The following CRHBP variants were observed in gnomAD, a reference collection of about 807,000 sequenced individuals.
CRHBP encodes corticotropin releasing hormone binding protein.
Under a neutral mutation model 34.9 loss-of-function variants are expected in CRHBP, and 19 were observed. The ratio of observed to expected loss-of-function variants is 0.55; its 90% CI spans 0.38 to 0.80. The LOEUF is 0.80. Ranked by LOEUF, CRHBP falls within the 30% of genes least tolerant of loss-of-function variation. CRHBP has a pLI of 0.00. For missense variants in CRHBP, 328 were observed against 409.2 expected, an observed-to-expected ratio of 0.80 and a Z score of 1.71; for synonymous variants, 154 against 153.4, an observed-to-expected ratio of 1.00 and a Z score of -0.03.
At chr5:76,969,934 CTTTTTTTTTTTTTTTT>C (rs201228247), downstream of CRHBP, among the ~76,000 whole-genome samples, 18 of 61,626 alleles carry the variant, frequency 2.9e-4, 1 homozygote, top group South Asian at 2.3e-3. Context: ...AAAGAAAATT[CTTTTTTTTTTTTTTTT>C]TTTTTTTTTT....
At chr5:76,965,014 T>A (rs1198855195) in intron 6 of CRHBP, among the ~76,000 whole-genome samples, 1 of 145,030 alleles carries the variant, frequency 6.9e-6, no homozygotes, top group Non-Finnish European at 1.5e-5. Context: ...AAGAATCAGG[T>A]AAAAAAAAAA....
Position 76,979,506 on chromosome 5 carries a change from G to T in CRHBP, n.468-1455G>T, listed in dbSNP as rs186761383. On this transcript the variant is annotated intron_variant and non_coding_transcript_variant, in intron 3 of 3. Transcript: ENST00000514258. ...GCTGGGATTACAGGCACGTGCCACC[G>T]CACCCAGCTAGTTTTTGTATTTTTA... is the stretch of plus-strand genomic sequence containing the variant. Among the ~76,000 whole-genome samples the T allele has an allele frequency of 2.6e-4, 40 of 151,976 alleles. 1 individual carries two copies. The East Asian group carries it at 7.4e-3, about 28-fold the overall frequency.
intron 3 of CRHBP, among the ~76,000 whole-genome samples, chr5:76,977,720 A>G (rs969046285): frequency 6.6e-6 from 1 of 152,222 alleles, no homozygotes; most frequent in African/African-American, 2.4e-5. Context: ...ATGACCTCTA[A>G]GTGTTCAGTG....
chr5:76,959,137 G>A, intron 5 of CRHBP: 3 of 379,528 alleles, frequency 7.9e-6, no homozygotes, highest in South Asian at 1.4e-4. Context: ...GATGTAAGAA[G>A]TGTTTTCAAT....
At chr5:76,967,560 C>A (rs1168234391) in intron 6 of CRHBP, among the ~76,000 whole-genome samples, 2 of 151,992 alleles carry the variant, frequency 1.3e-5, no homozygotes, top group African/African-American at 4.8e-5. Context: ...TAAATCTTGC[C>A]TCAGGAATCA....
downstream of CRHBP, among the ~76,000 whole-genome samples, chr5:76,970,021 C>T (rs1398114298): frequency 2.2e-5 from 3 of 136,790 alleles, no homozygotes; most frequent in African/African-American, 8.3e-5. Context: ...AATCTCACCT[C>T]ACTGCAGCCT....
intron 2 of CRHBP, 106 bp from the exon 3 acceptor site, chr5:76,953,922 TG>T: frequency 7.3e-7 from 1 of 1,370,548 alleles, no homozygotes; most frequent in Non-Finnish European, 9.8e-7. Context: ...GTCGGGGCGC[TG>T]GGCACTACAG....
chr5:76,953,807 AG>A (rs561371703), intron 2 of CRHBP, 113 bp downstream of exon 2: 15,681 of 1,248,402 alleles, frequency 0.013, 120 homozygotes, highest in Non-Finnish European at 0.014. Context: ...CGGAACCGCC[AG>A]GGGCGCGGTC....
downstream of CRHBP, among the ~76,000 whole-genome samples, chr5:76,972,266 G>A (rs927770260): frequency 4.6e-5 from 7 of 152,156 alleles, no homozygotes; most frequent in Middle Eastern, 3.4e-3. Flanking sequence ...TTGGGAGGCC[G>A]AGGCAGGCTG....
At chr5:76,976,718 A>AGTCAAGT (rs1403004628) in intron 3 of CRHBP, among the ~76,000 whole-genome samples, 1 of 152,234 alleles carries the variant, frequency 6.6e-6, no homozygotes, top group Admixed American at 6.5e-5. Context: ...AAAACTTATC[A>AGTCAAGT]GTCAAGTCTT....
At chr5:76,972,729 C>T (rs142017635), downstream of CRHBP, among the ~76,000 whole-genome samples, 22 of 152,330 alleles carry the variant, frequency 1.4e-4, no homozygotes, top group East Asian at 4.1e-3. Context: ...TGATACTGGA[C>T]TTTCTCCTAG....
At chr5:76,963,312 T>C (rs1745810647) in intron 5 of CRHBP, 31 bp from the exon 6 acceptor site, 1 of 1,591,868 alleles carries the variant, frequency 6.3e-7, no homozygotes, top group Non-Finnish European at 8.6e-7. Flanking sequence ...TTGGTTTAAA[T>C]GTGTCTTTCT....
At chr5:76,953,811 G>A in intron 2 of CRHBP, 117 bp downstream of exon 2, 1 of 1,240,234 alleles carries the variant, frequency 8.1e-7, no homozygotes, top group Non-Finnish European at 1.1e-6. Context: ...ACCGCCAGGG[G>A]CGCGGTCCCC....
chr5:76,978,564 G>A (rs1316525085), intron 3 of CRHBP, among the ~76,000 whole-genome samples: 1 of 152,148 alleles, frequency 6.6e-6, no homozygotes, highest in African/African-American at 2.4e-5. Context: ...AAATATTACT[G>A]CTCATTGACA....
chr5:76,973,231 A>C (rs114223494), downstream of CRHBP, among the ~76,000 whole-genome samples: 1,438 of 152,282 alleles, frequency 9.4e-3, 21 homozygotes, highest in African/African-American at 0.033. Context: ...TTTTCGTTGC[A>C]ACTATCCAGA....
At chr5:76,967,937 T>C (rs1356017449) in intron 6 of CRHBP, among the ~76,000 whole-genome samples, 2 of 152,108 alleles carry the variant, frequency 1.3e-5, no homozygotes, top group East Asian at 3.9e-4. Flanking sequence ...GACCTCGTGA[T>C]CCACCCACGT....
chr5:76,957,026 T>C (rs1225039223), intron 4 of CRHBP, among the ~76,000 whole-genome samples: 2 of 152,034 alleles, frequency 1.3e-5, no homozygotes, highest in Non-Finnish European at 2.9e-5. Flanking sequence ...GTTTCCCCTA[T>C]ATTTTGTTTA....
intron 3 of CRHBP, among the ~76,000 whole-genome samples, chr5:76,977,993 A>G (rs1338720178): frequency 6.6e-6 from 1 of 152,246 alleles, no homozygotes; most frequent in Non-Finnish European, 1.5e-5. Flanking sequence ...AAACAGCCAC[A>G]GCGTTCCTTT....
At chr5:76,954,583 G>A (rs554608863) in intron 3 of CRHBP, among the ~76,000 whole-genome samples, 30 of 152,308 alleles carry the variant, frequency 2.0e-4, no homozygotes, top group Middle Eastern at 3.4e-3. Context: ...CAAGCGGGCC[G>A]TCTTGGTTAG....
Sources: allele counts gnomAD v4.1 joint callset (sites outside exome capture counted in the v4.1 genomes callset), GRCh38; gene constraint gnomAD v4.1.1; transcripts MANE v1.5; gene names NCBI Gene and HGNC (gene_info 2026-07-23, HGNC 2026-07-21).